Variants in TMEM161B observed in about 807,000 individuals in gnomAD.
TMEM161B encodes transmembrane protein 161B.
In TMEM161B, 34 loss-of-function variants were observed where a neutral mutation model predicts 61.8. The ratio of observed to expected loss-of-function variants is 0.55; its 90% CI spans 0.42 to 0.73. The LOEUF is 0.73. Ranked by LOEUF, TMEM161B falls within the 30% of genes least tolerant of loss-of-function variation. The pLI is 0.00. For missense variants in TMEM161B, 456 were observed against 558.5 expected (o/e 0.82, Z 1.85); for synonymous variants, 167 against 192.8 (o/e 0.87, Z 1.11).
intron 1 of TMEM161B, among the ~76,000 whole-genome samples, chr5:88,257,054 A>C (rs2112755115): frequency 6.6e-6 from 1 of 152,306 alleles, no homozygotes; most frequent in South Asian, 2.1e-4. Context: ...AGATCACTCA[A>C]GGTCAGGAAT....
At chr5:88,231,555 G>A (rs1276448609) in intron 2 of TMEM161B, among the ~76,000 whole-genome samples, 2 of 152,224 alleles carry the variant, frequency 1.3e-5, no homozygotes, top group East Asian at 3.8e-4. Flanking sequence ...CTGGCATAGA[G>A]CAAGTGCTCA....
intron 4 of TMEM161B, among the ~76,000 whole-genome samples, chr5:88,223,630 G>A (rs569594232): frequency 4.1e-4 from 63 of 152,278 alleles, no homozygotes; most frequent in African/African-American, 1.5e-3. Context: ...GCTCATGCCT[G>A]TAATCTCAGC....
chr5:88,220,840 T>C, intron 4 of TMEM161B, 121 bp from the exon 5 acceptor site: 2 of 1,276,620 alleles, frequency 1.6e-6, no homozygotes, highest in Non-Finnish European at 2.1e-6. Flanking sequence ...TATTTGTTCA[T>C]TTGCAATGTA....
At chr5:88,199,231 T>C (rs754020043) in intron 9 of TMEM161B, 81 bp from the exon 10 acceptor site, 19 of 1,369,870 alleles carry the variant, frequency 1.4e-5, no homozygotes, top group Non-Finnish European at 1.8e-5. Flanking sequence ...GGTCACCATA[T>C]AAGATATAAG....
chr5:88,197,315 A>T (rs930212309), intron 11 of TMEM161B, among the ~76,000 whole-genome samples: 2 of 152,164 alleles, frequency 1.3e-5, no homozygotes, highest in Admixed American at 6.6e-5. Context: ...TAAGTTTATA[A>T]TTGCCTTGTA....
chr5:88,197,910 A>T (rs1007769766), intron 10 of TMEM161B, 145 bp from the exon 11 acceptor site: 1 of 555,798 alleles, frequency 1.8e-6, no homozygotes, highest in Non-Finnish European at 3.0e-6. Flanking sequence ...GTGCTGCATG[A>T]TACATGTCCC....
rs140960125 is a variant in TMEM161B, at chr5:88,207,793, G to A, written c.447-613C>T. Among the ~76,000 whole-genome samples the A allele has an allele frequency of 5.4e-3, 820 of 152,214 alleles. 4 individuals are homozygous for A. Among genetic ancestry groups the A allele is most frequent in the African/African-American group, 0.015 (619 of 41,538 alleles). ...TTAATCAAGGTTAAATCAGTGCATGGCCCAAAGATAGAACTCAGATTTCCA... is the reference window on the plus strand; with the variant it reads ...TTAATCAAGGTTAAATCAGTGCATGACCCAAAGATAGAACTCAGATTTCCA... On this transcript the variant is annotated intron_variant, in intron 5 of 11. Coordinates refer to ENST00000296595, the MANE Select transcript of TMEM161B (RefSeq NM_153354.5).
intron 8 of TMEM161B, 104 bp from the exon 9 acceptor site, chr5:88,203,179 G>C: frequency 1.5e-6 from 1 of 674,652 alleles, no homozygotes; most frequent in Non-Finnish European, 2.6e-6. Flanking sequence ...CTTATTTGCA[G>C]TATTCTACTA....
At chr5:88,250,462 G>C (rs191435638) in intron 1 of TMEM161B, among the ~76,000 whole-genome samples, 1 of 152,068 alleles carries the variant, frequency 6.6e-6, no homozygotes, top group Non-Finnish European at 1.5e-5. Context: ...ACAGACAAGA[G>C]GCCTCTCAGA....
At chr5:88,218,821 G>A (rs1377133583) in intron 5 of TMEM161B, among the ~76,000 whole-genome samples, 1 of 152,184 alleles carries the variant, frequency 6.6e-6, no homozygotes, top group Non-Finnish European at 1.5e-5. Flanking sequence ...TTAATTCTTA[G>A]GGTAAATTTA....
chr5:88,249,113 T>G (rs1038494895), intron 1 of TMEM161B, among the ~76,000 whole-genome samples: 3 of 152,118 alleles, frequency 2.0e-5, no homozygotes, highest in African/African-American at 7.2e-5. Flanking sequence ...AGTCTCAGTT[T>G]CCCAGCTAAC....
intron 1 of TMEM161B, among the ~76,000 whole-genome samples, chr5:88,255,581 T>C (rs1754884883): frequency 6.6e-6 from 1 of 152,222 alleles, no homozygotes; most frequent in Non-Finnish European, 1.5e-5. Context: ...ATATTACAAA[T>C]AGAATTATAA....
At chr5:88,265,295 G>A (rs1756237779) in intron 1 of TMEM161B, among the ~76,000 whole-genome samples, 1 of 152,052 alleles carries the variant, frequency 6.6e-6, no homozygotes, top group African/African-American at 2.4e-5. Context: ...TTGGCCCCAG[G>A]GACTGGTTTC....
chr5:88,196,188 T>C lies in TMEM161B; in HGVS notation c.*23A>G. 6.3e-7 allele frequency: 1 copy of C among 1,583,510 alleles called. No individual in the cohort carries two copies. Among genetic ancestry groups the C allele is most frequent in the Non-Finnish European group, 8.6e-7 (1 of 1,167,940 alleles). On this transcript the variant is annotated 3_prime_UTR_variant, in exon 12 of 12. Coordinates refer to ENST00000296595, the MANE Select transcript of TMEM161B (RefSeq NM_153354.5). ...ATTTTAATTTAAAGGGTGATTTGGA[T>C]ATGCTTTTTTGTTAACTGAGATTCA...
At chr5:88,246,128 T>C (rs1580670203) in intron 1 of TMEM161B, among the ~76,000 whole-genome samples, 2 of 151,906 alleles carry the variant, frequency 1.3e-5, no homozygotes, top group African/African-American at 2.4e-5. Flanking sequence ...CTCTTTACTA[T>C]GCCATTTCCC....
chr5:88,205,616 G>A (rs929061170), intron 8 of TMEM161B, 198 bp downstream of exon 8: 3 of 500,250 alleles, frequency 6.0e-6, no homozygotes, highest in Non-Finnish European at 6.7e-6. Context: ...AATCGATGAT[G>A]TATCTTTTTA....
intron 2 of TMEM161B, among the ~76,000 whole-genome samples, chr5:88,235,787 A>G (rs1461767893): frequency 1.3e-5 from 2 of 152,210 alleles, no homozygotes; most frequent in Non-Finnish European, 2.9e-5. Flanking sequence ...AATTTTGACC[A>G]GTGGAGGGGA....
At chr5:88,222,145 T>C (rs957949228) in intron 4 of TMEM161B, among the ~76,000 whole-genome samples, 8 of 152,226 alleles carry the variant, frequency 5.3e-5, no homozygotes, top group African/African-American at 1.7e-4. Flanking sequence ...CATAGCTCAC[T>C]GCAGCCTCAG....
At chr5:88,188,011 G>T (rs1434290732), downstream of TMEM161B, among the ~76,000 whole-genome samples, 1 of 152,110 alleles carries the variant, frequency 6.6e-6, no homozygotes, top group East Asian at 1.9e-4. Context: ...GAAATAGAAT[G>T]CTTAAACTTA....
Sources: allele counts gnomAD v4.1 joint callset (sites outside exome capture counted in the v4.1 genomes callset), GRCh38; gene constraint gnomAD v4.1.1; transcripts MANE v1.5; gene names NCBI Gene and HGNC (gene_info 2026-07-23, HGNC 2026-07-21).